The following ABCA4 variants were observed in gnomAD, a reference collection of about 807,000 sequenced individuals.
ABCA4 encodes the protein ATP binding cassette subfamily A member 4, also known as retinal-specific phospholipid-transporting ATPase ABCA4.
A neutral mutation model predicts 263.7 loss-of-function variants in ABCA4; 196 were observed. That is an observed-to-expected ratio of 0.74 (90% CI 0.66 to 0.84). The LOEUF (loss-of-function observed/expected upper bound fraction) is 0.84. Among genes scored for constraint, ABCA4 ranks in the 40% least tolerant of loss-of-function variants. The pLI, the probability that ABCA4 is intolerant of heterozygous loss-of-function variation, is 0.00. For missense variants in ABCA4, 2,792 were observed against 2,855.1 expected (o/e 0.98, Z 0.50); for synonymous variants, 1,133 against 1,094.2 (o/e 1.04, Z -0.70).
chr1:94,046,879 A>G (rs1211548781), intron 19 of ABCA4, 40 bp downstream of exon 19: 1 of 1,606,622 alleles, frequency 6.2e-7, no homozygotes, highest in East Asian at 2.2e-5. Flanking sequence ...AGGAAATGAC[A>G]GGCTAGCATG....
intron 1 of ABCA4, among the ~76,000 whole-genome samples, chr1:94,119,974 AC>A (rs1662904144): frequency 6.6e-6 from 1 of 152,000 alleles, no homozygotes; most frequent in Non-Finnish European, 1.5e-5. Context: ...TCTCACCCCT[AC>A]CCAGCCCCCA....
rs1659543444 is a variant in ABCA4, at chr1:94,011,403, G to A, written c.5461-18C>T. 6.2e-7 allele frequency: 1 copy of A among 1,612,474 alleles called. No homozygotes were observed. Among genetic ancestry groups the A allele is most frequent in the Non-Finnish European group, 8.5e-7 (1 of 1,179,456 alleles). ...AGCAGCGTCTGAAACAGAGAAGTAG[G>A]ACTGTTGGAAACGGGGCAAACCCCA... is the stretch of plus-strand genomic sequence containing the variant. On this transcript the variant is annotated intron_variant, in intron 38 of 49. Transcript: ENST00000370225.
Position 94,041,099 on chromosome 1 carries a change from A to G in ABCA4, c.3522+110T>C, listed in dbSNP as rs534151875. 31 of 1,124,110 alleles carry G rather than the reference A, an allele frequency of 2.8e-5. No homozygotes were observed. The African/African-American group carries it at 4.3e-4, about 15-fold the overall frequency. 69.6% of individuals were successfully genotyped at this position (1,124,110 alleles called of 1,614,324 possible). ...CTGCAAATGGTCCCAGAACAAAGAC[A>G]CTGATTCTGGTGGCGAGAGCCTGTG... is the stretch of plus-strand genomic sequence containing the variant. On this transcript the variant is annotated intron_variant, in intron 23 of 49. Transcript: ENST00000370225.
chr1:94,011,248 C>G lies in ABCA4; in HGVS notation c.5584+14G>C. On this transcript the variant is annotated intron_variant, in intron 39 of 49. Coordinates refer to ENST00000370225, the MANE Select transcript of ABCA4 (RefSeq NM_000350.3). ...CCCAGGGCCCATGCTCCATGGGCCT[C>G]GGCTACCACCCACCAAACCGGGCAT... The G allele has an allele frequency of 6.2e-7, 1 of 1,613,964 alleles. No individual in the cohort carries two copies. The highest frequency in any genetic ancestry group is 8.5e-7 in the Non-Finnish European group (1 of 1,179,978).
Position 94,063,270 on chromosome 1 carries a change from G to A in ABCA4, c.1602C>T (p.Leu534=), listed in dbSNP as rs1661180326. The change falls in exon 12 of 50, where the codon CTC becomes CTT. Residue 534 remains leucine (L), a synonymous_variant. Transcript: ENST00000370225. The stretch of plus-strand genomic sequence containing the variant: ...CCAGTAGAGAGAGGGCACGTTGGGT[G>A]AGCTGAGTTTCATCATTGTAGCTTT... ...KFESYNDETQ[L]TQRALSLLEE... The A allele has an allele frequency of 6.2e-7, 1 of 1,614,036 alleles. No homozygotes were observed. Among genetic ancestry groups the A allele is most frequent in the Admixed American group, 1.7e-5 (1 of 60,002 alleles).
At chr1:94,078,875 C>T (rs568602789) in intron 9 of ABCA4, among the ~76,000 whole-genome samples, 169 bp from the exon 10 acceptor site, 326 of 152,298 alleles carry the variant, frequency 2.1e-3, no homozygotes, top group African/African-American at 7.3e-3. Context: ...TTCACCATCT[C>T]CCAACTTCCT....
intron 26 of ABCA4, among the ~76,000 whole-genome samples, chr1:94,033,137 A>T (rs1019620146): frequency 2.0e-5 from 3 of 152,104 alleles, no homozygotes; most frequent in South Asian, 2.1e-4. Flanking sequence ...TTATCTGTAA[A>T]ATGAAGGCAT....
chr1:94,080,443 G>T, intron 8 of ABCA4, 35 bp downstream of exon 8: 1 of 1,613,810 alleles, frequency 6.2e-7, no homozygotes, highest in South Asian at 1.1e-5. Context: ...ACCAACATGA[G>T]AGGCCAATTT....
At chr1:94,084,639 T>C (rs760562582) in intron 6 of ABCA4, among the ~76,000 whole-genome samples, 6 of 152,206 alleles carry the variant, frequency 3.9e-5, no homozygotes, top group Non-Finnish European at 5.9e-5. Flanking sequence ...AAGGCCTTGT[T>C]AGGTATGGGA....
chr1:93,996,326 C>G (rs1039601640), intron 48 of ABCA4, 131 bp from the exon 49 acceptor site: 1 of 763,536 alleles, frequency 1.3e-6, no homozygotes, highest in Non-Finnish European at 2.2e-6. Flanking sequence ...GTGTCCTACC[C>G]GGGGGAGGCT....
At position 94,060,578 on chromosome 1, in the gene ABCA4, T is replaced by G. The variant is rs1332429382; in HGVS notation, c.2119A>C (p.Ile707Leu). ...AGGAGGAAGATGCTCATCGACATGATGGAGAAGCTGTCCAGGAACCAGGTA... is the reference window on the plus strand; with the variant it reads ...AGGAGGAAGATGCTCATCGACATGAGGGAGAAGCTGTCCAGGAACCAGGTA... ...WCTWFLDSFS[I>L]MSMSIFLLTI... is the part of the protein sequence containing the mutation. The change falls in exon 14 of 50, where the codon ATC becomes CTC. Residue 707 changes from isoleucine to leucine, a missense_variant. Transcript: ENST00000370225. 1 of 1,614,170 alleles carries G rather than the reference T, an allele frequency of 6.2e-7. No individual in the cohort carries two copies.
At chr1:94,030,547 G>C in intron 28 of ABCA4, 21 bp from the exon 29 acceptor site, 1 of 1,608,992 alleles carries the variant, frequency 6.2e-7, no homozygotes, top group Non-Finnish European at 8.5e-7. Flanking sequence ...TGAGACATGT[G>C]ACTGGGACAG....
At chr1:94,099,492 C>T (rs1221747777) in intron 5 of ABCA4, among the ~76,000 whole-genome samples, 3 of 152,164 alleles carry the variant, frequency 2.0e-5, no homozygotes, top group Non-Finnish European at 2.9e-5. Context: ...CAACAGGAAA[C>T]CAATACAATC....
At chr1:94,036,706 G>A in intron 26 of ABCA4, 34 bp downstream of exon 26, 1 of 1,610,058 alleles carries the variant, frequency 6.2e-7, no homozygotes, top group Non-Finnish European at 8.5e-7. Flanking sequence ...AGGGAGGCAA[G>A]GAAGGGAACA....
Position 94,055,152 on chromosome 1 carries a change from A to G in ABCA4, c.2546T>C (p.Val849Ala), listed in dbSNP as rs61749435. Residue 849 changes from valine to alanine, a missense_variant, in exon 16 of 50, where the codon GTC (valine) becomes GCC (alanine). By Grantham distance (64) the Val-to-Ala change is moderately conservative. Coordinates refer to ENST00000370225, the MANE Select transcript of ABCA4 (RefSeq NM_000350.3). ...SMQMMLLDAA[V>A]YGLLAWYLDQ... ...AAGGTACCAAGCGAGTAAGCCATAG[A>G]CAGCAGCATCAAGGAGCATCATCTG... is the stretch of plus-strand genomic sequence containing the variant. The G allele has an allele frequency of 7.2e-4, 1,170 of 1,614,186 alleles. 7 individuals are homozygous for G. The African/African-American group carries it at 0.013, about 18-fold the overall frequency.
At chr1:94,057,001 A>G (rs1661002580) in intron 14 of ABCA4, among the ~76,000 whole-genome samples, 179 bp from the exon 15 acceptor site, 1 of 152,228 alleles carries the variant, frequency 6.6e-6, no homozygotes, top group African/African-American at 2.4e-5. Flanking sequence ...GTAGCACATT[A>G]GACTCCTAAC....
chr1:94,097,333 C>T (rs369494589), intron 6 of ABCA4, among the ~76,000 whole-genome samples: 147 of 152,206 alleles, frequency 9.7e-4, no homozygotes, highest in African/African-American at 3.3e-3. Context: ...CCAGAAACTG[C>T]GGTGTCTTAT....
chr1:94,007,839 T>C, intron 42 of ABCA4, 99 bp from the exon 43 acceptor site: 1 of 1,149,712 alleles, frequency 8.7e-7, no homozygotes, highest in Admixed American at 1.9e-5. Flanking sequence ...GGAGGAATTT[T>C]AGACCTGGGC....
At position 94,088,521 on chromosome 1, in the gene ABCA4, G is replaced by A. The variant is rs371246866; in HGVS notation, c.769-5080C>T. 1.5e-4 allele frequency among the ~76,000 whole-genome samples: 23 copies of A among 152,306 alleles called. No homozygotes were observed. In the South Asian group the frequency reaches 3.5e-3, roughly 23 times the overall value. ...TGCTGGGCATCTGCCTAGATCCAGC[G>A]TGTTCTGAACTGACCACATCGTCTT... On this transcript the variant is annotated intron_variant, in intron 6 of 49. Transcript: ENST00000370225.
Sources: allele counts gnomAD v4.1 joint callset (sites outside exome capture counted in the v4.1 genomes callset), GRCh38; gene constraint gnomAD v4.1.1; transcripts MANE v1.5; gene names NCBI Gene and HGNC (gene_info 2026-07-23, HGNC 2026-07-21).